The following MED27 variants were observed in gnomAD, a reference collection of about 807,000 sequenced individuals.
MED27 encodes the protein mediator complex subunit 27.
A neutral mutation model predicts 38.2 loss-of-function variants in MED27; 30 were observed. The observed-to-expected ratio is 0.79, with a 90% CI of 0.59 to 1.07. The LOEUF (loss-of-function observed/expected upper bound fraction) is 1.07. Among genes scored for constraint, MED27 ranks in the 50% least tolerant of loss-of-function variants. The pLI is 0.00. For missense variants in MED27, 289 were observed against 397.5 expected (o/e 0.73, Z 2.32); for synonymous variants, 122 against 153.5 (o/e 0.79, Z 1.52).
At chr9:131,884,242 G>A in intron 5 of MED27, 143 bp from the exon 6 acceptor site, 1 of 551,842 alleles carries the variant, frequency 1.8e-6, no homozygotes, top group African/African-American at 2.0e-5. Context: ...GGTTGAAAAG[G>A]ATCTTAAATG....
chr9:131,867,878 CA>C (rs901317612), intron 6 of MED27, among the ~76,000 whole-genome samples: 6 of 152,230 alleles, frequency 3.9e-5, no homozygotes, highest in African/African-American at 1.4e-4. Flanking sequence ...AGCTGACTCC[CA>C]GGGGTGCCCA....
chr9:131,957,941 G>A (rs1831138528), intron 3 of MED27, among the ~76,000 whole-genome samples: 1 of 151,410 alleles, frequency 6.6e-6, no homozygotes, highest in Admixed American at 6.6e-5. Flanking sequence ...ATTTAATCTA[G>A]AGTGACAGAG....
At chr9:131,944,221 T>G (rs539258784) in intron 3 of MED27, among the ~76,000 whole-genome samples, 1 of 152,274 alleles carries the variant, frequency 6.6e-6, no homozygotes, top group Admixed American at 6.5e-5. Flanking sequence ...AGTCCGAGAA[T>G]TAAAGAACAC....
intron 4 of MED27, among the ~76,000 whole-genome samples, chr9:131,900,230 C>T (rs1403061696): frequency 1.3e-5 from 2 of 152,232 alleles, no homozygotes; most frequent in Non-Finnish European, 2.9e-5. Context: ...GCCTAGCCCC[C>T]CCATCAGGTC....
intron 5 of MED27, among the ~76,000 whole-genome samples, chr9:131,888,459 T>C (rs1238711089): frequency 6.6e-6 from 1 of 152,202 alleles, no homozygotes; most frequent in South Asian, 2.1e-4. Flanking sequence ...AGCTGTCACT[T>C]GCGCAGCTCT....
intron 3 of MED27, among the ~76,000 whole-genome samples, chr9:131,966,149 G>A (rs1054158435): frequency 5.9e-5 from 8 of 136,522 alleles, no homozygotes; most frequent in African/African-American, 2.3e-4. Flanking sequence ...GATTGCTTGA[G>A]GCCAGGCATT....
At position 131,860,660 on chromosome 9, in the gene MED27, T is replaced by A; in HGVS notation, c.814A>T (p.Ser272Cys). The A allele has an allele frequency of 6.2e-7, 1 of 1,613,324 alleles. No homozygotes were observed. The highest frequency in any genetic ancestry group is 1.7e-4 in the Middle Eastern group (1 of 6,058). Residue 272 changes from serine (S) to cysteine (C), a missense_variant, in exon 8 of 8, where the codon AGT (serine) becomes TGT (cysteine). Coordinates refer to ENST00000292035, the MANE Select transcript of MED27 (RefSeq NM_004269.4). The surrounding 1 kb of genome is among the most constrained non-coding windows in gnomAD (Gnocchi z 5.8). The stretch of plus-strand genomic sequence containing the variant: ...GGGGCCTGGAACAGCTTTATGTAAC[T>A]TCTTAACCAGGTCTAAAAAGAGAAA... ...VVRSFMTWLR[S>C]YIKLFQAPCQ...
chr9:132,026,196 C>T (rs1323662396), intron 2 of MED27, among the ~76,000 whole-genome samples: 4 of 152,224 alleles, frequency 2.6e-5, no homozygotes, highest in African/African-American at 9.6e-5. Flanking sequence ...AATATTCACG[C>T]ATCCATCACC....
At position 131,997,810 on chromosome 9, in the gene MED27, T is replaced by C. The variant is rs1452610783; in HGVS notation, c.479+16527A>G. On this transcript the variant is annotated intron_variant, in intron 3 of 7. Transcript: ENST00000292035. This position sits in a 1 kb window ranked among gnomAD's most constrained non-coding sequence, Gnocchi z 4.0. Reference sequence around the variant, plus strand: ...TAAAGCTGAGGCAAGTAACGGTACCTCTCAAAGGACAGCGTTCAAACTACA... The same window carrying C: ...TAAAGCTGAGGCAAGTAACGGTACCCCTCAAAGGACAGCGTTCAAACTACA... Among the ~76,000 whole-genome samples, 2 of 152,208 alleles carry C rather than the reference T, an allele frequency of 1.3e-5. No homozygotes were observed. The highest frequency in any genetic ancestry group is 2.9e-5 in the Non-Finnish European group (2 of 68,030).
At chr9:132,070,155 C>T (rs1396867119) in intron 2 of MED27, among the ~76,000 whole-genome samples, 1 of 152,180 alleles carries the variant, frequency 6.6e-6, no homozygotes, top group Non-Finnish European at 1.5e-5. Context: ...GGATTCAAAC[C>T]CTATAAAGTC....
intron 4 of MED27, among the ~76,000 whole-genome samples, chr9:131,903,277 C>T (rs974138649): frequency 1.3e-5 from 2 of 152,128 alleles, no homozygotes; most frequent in African/African-American, 4.8e-5. Flanking sequence ...CAGAGAACAC[C>T]CATTTTTAAA....
At chr9:131,869,096 A>G (rs1355606427) in intron 6 of MED27, 1 of 985,338 alleles carries the variant, frequency 1.0e-6, no homozygotes, top group Non-Finnish European at 1.2e-6. Context: ...AGCTTTTTCC[A>G]GCGCTGATGC....
chr9:131,973,409 G>C lies in MED27; in HGVS notation c.480-33935C>G, dbSNP rs149104976. ...CCAATGAGACATGAAGAAATCGGCC[G>C]CAGGGCTTCTGGAAGAGGCTTCCCT... On this transcript the variant is annotated intron_variant, in intron 3 of 7. Coordinates refer to ENST00000292035, the MANE Select transcript of MED27 (RefSeq NM_004269.4). 5.0e-4 allele frequency among the ~76,000 whole-genome samples: 76 copies of C among 151,868 alleles called. 1 individual carries two copies. Among genetic ancestry groups the C allele is most frequent in the African/African-American group, 1.7e-3 (71 of 41,400 alleles).
rs903722382 is a variant in MED27 at position 131,923,660 on chromosome 9, A to G, written c.573+15721T>C. Among the ~76,000 whole-genome samples the G allele has an allele frequency of 2.0e-5, 3 of 152,156 alleles. No homozygotes were observed. The South Asian group carries it at 6.2e-4, about 32-fold the overall frequency. ...CATGTTCTAACAGTCAGAACTACAT[A>G]AGAAGGTATGCTCAGAGTCAGGCCT... On this transcript the variant is annotated intron_variant, in intron 4 of 7. Transcript: ENST00000292035.
intron 4 of MED27, among the ~76,000 whole-genome samples, chr9:131,900,669 A>AGCAT (rs1282546289): frequency 6.6e-6 from 1 of 152,090 alleles, no homozygotes; most frequent in Non-Finnish European, 1.5e-5. Flanking sequence ...CCTGGCAGAA[A>AGCAT]GCATGTGTGT....
At chr9:131,936,679 G>A (rs1435701233) in intron 4 of MED27, among the ~76,000 whole-genome samples, 1 of 152,226 alleles carries the variant, frequency 6.6e-6, no homozygotes, top group Non-Finnish European at 1.5e-5. Flanking sequence ...GACATGCCTG[G>A]AGCTACTCTG....
chr9:131,996,209 A>G (rs1239555597), intron 3 of MED27, among the ~76,000 whole-genome samples: 2 of 152,188 alleles, frequency 1.3e-5, no homozygotes, highest in African/African-American at 4.8e-5. Context: ...CTGTTACACA[A>G]TGGAAGCAGA....
intron 3 of MED27, among the ~76,000 whole-genome samples, chr9:131,989,782 A>T (rs1831931146): frequency 1.4e-5 from 2 of 140,656 alleles, no homozygotes; most frequent in African/African-American, 5.2e-5. Context: ...AAACATACTT[A>T]AAAAAAAAAA....
chr9:131,968,616 T>A (rs1296092911), intron 3 of MED27, among the ~76,000 whole-genome samples: 1 of 152,030 alleles, frequency 6.6e-6, no homozygotes. Flanking sequence ...GGGACAAGAA[T>A]CTTGCTTTGT....
Sources: gnomAD v4.1 joint callset for allele counts (sites outside exome capture counted in the v4.1 genomes callset) on GRCh38, gnomAD v4.1.1 for gene constraint, Gnocchi (gnomAD v3.1) non-coding constraint, MANE v1.5 for transcripts, NCBI Gene and HGNC (gene_info 2026-07-23, HGNC 2026-07-21) for gene names.